CREB3L1: variants seen among roughly 807,000 people sequenced by gnomAD.
CREB3L1 encodes cyclic AMP-responsive element-binding protein 3-like protein 1.
A neutral mutation model predicts 54.5 loss-of-function variants in CREB3L1; 33 were observed. That is an observed-to-expected ratio of 0.61 (90% CI 0.46 to 0.81). The LOEUF (loss-of-function observed/expected upper bound fraction) is 0.81. Ranked by LOEUF, CREB3L1 falls within the 30% of genes least tolerant of loss-of-function variation. The pLI is 0.00. For synonymous variants in CREB3L1, 284 were observed against 286.4 expected, an observed-to-expected ratio of 0.99 and a Z score of 0.08; for missense variants, 656 against 673.3, an observed-to-expected ratio of 0.97 and a Z score of 0.29.
rs1260889185 is a variant in CREB3L1, at chr11:46,287,691, T to A, written c.102+9478T>A. ...AGGCATGTAATACATAATAATCACA[T>A]GATGGGACAGGTGCGGTGGTTCACG... is the stretch of plus-strand genomic sequence containing the variant. On this transcript the variant is annotated intron_variant, in intron 1 of 11. Transcript: ENST00000621158. Among the ~76,000 whole-genome samples the A allele has an allele frequency of 3.3e-5, 5 of 152,228 alleles. No homozygotes were observed. In the East Asian group the frequency reaches 9.7e-4, roughly 30 times the overall value.
intron 1 of CREB3L1, among the ~76,000 whole-genome samples, chr11:46,279,667 A>T (rs1938937262): frequency 6.6e-6 from 1 of 152,158 alleles, no homozygotes; most frequent in Non-Finnish European, 1.5e-5. Context: ...TCTGGCACAG[A>T]TCCCAGGAAT....
At chr11:46,309,905 C>A in intron 3 of CREB3L1, 84 bp from the exon 4 acceptor site, 2 of 1,141,340 alleles carry the variant, frequency 1.8e-6, no homozygotes. Context: ...GGCAGGCAAC[C>A]AGCTTTAGGG....
intron 1 of CREB3L1, among the ~76,000 whole-genome samples, chr11:46,298,234 A>G (rs1939241865): frequency 6.6e-6 from 1 of 152,168 alleles, no homozygotes; most frequent in South Asian, 2.1e-4. Flanking sequence ...CAGGCTCCCA[A>G]TATTCCAGGC....
rs547189376 is a variant in CREB3L1, at chr11:46,296,346, G to T, written c.103-3589G>T. Among the ~76,000 whole-genome samples the T allele has an allele frequency of 2.0e-5, 3 of 152,216 alleles. No homozygotes were observed. The East Asian group carries it at 5.8e-4, about 29-fold the overall frequency. On this transcript the variant is annotated intron_variant, in intron 1 of 11. Transcript: ENST00000621158. ...GAGAGGACCAGAAGGTCCCGCACAC[G>T]CCAGGGCAGCCCTGGACTTCACCAG...
chr11:46,313,455 G>A (rs993184081), intron 8 of CREB3L1, among the ~76,000 whole-genome samples: 1 of 152,108 alleles, frequency 6.6e-6, no homozygotes, highest in African/African-American at 2.4e-5. Flanking sequence ...GGGAGGATGA[G>A]GGGGGTGGAT....
At chr11:46,302,285 G>A (rs1050439138) in intron 2 of CREB3L1, among the ~76,000 whole-genome samples, 5 of 151,840 alleles carry the variant, frequency 3.3e-5, no homozygotes, top group Non-Finnish European at 7.4e-5. Context: ...CCTCTGAGAC[G>A]CTACTTGAGA....
intron 10 of CREB3L1, among the ~76,000 whole-genome samples, chr11:46,319,068 G>A (rs139548697): frequency 5.4e-4 from 82 of 152,206 alleles, no homozygotes; most frequent in African/African-American, 1.8e-3. Flanking sequence ...AAAAAGGAGT[G>A]GAAAGAGAGC....
At chr11:46,302,216 T>TAAG (rs1464837454) in intron 2 of CREB3L1, among the ~76,000 whole-genome samples, 1 of 141,870 alleles carries the variant, frequency 7.0e-6, no homozygotes, top group African/African-American at 2.7e-5. Context: ...ATAATAATAA[T>TAAG]AAGCTGTAGA....
intron 1 of CREB3L1, among the ~76,000 whole-genome samples, chr11:46,285,442 T>G (rs1176741317): frequency 2.0e-5 from 3 of 151,878 alleles, no homozygotes; most frequent in Admixed American, 2.0e-4. Context: ...GGGGAATGTG[T>G]GGGGGTGGGA....
chr11:46,282,214 G>A (rs948633616), intron 1 of CREB3L1, among the ~76,000 whole-genome samples: 1 of 152,176 alleles, frequency 6.6e-6, no homozygotes, highest in Non-Finnish European at 1.5e-5. Flanking sequence ...AGAGGGAAAA[G>A]TGTCCTTAAG....
intron 1 of CREB3L1, among the ~76,000 whole-genome samples, chr11:46,297,181 G>T (rs1238693317): frequency 1.3e-5 from 2 of 152,252 alleles, no homozygotes; most frequent in East Asian, 3.8e-4. Context: ...GCAGGCCCGG[G>T]CTCTGCGGAG....
At chr11:46,311,263 G>A (rs1486124525) in intron 5 of CREB3L1, 74 bp downstream of exon 5, 2 of 1,421,478 alleles carry the variant, frequency 1.4e-6, no homozygotes, top group Admixed American at 2.8e-5. Context: ...TGGCCAGTCA[G>A]GAGGGTTTGG....
intron 1 of CREB3L1, among the ~76,000 whole-genome samples, chr11:46,297,572 T>C (rs1939231798): frequency 6.7e-6 from 1 of 149,348 alleles, no homozygotes; most frequent in South Asian, 2.1e-4. Context: ...CTCTGTCAAA[T>C]GCCAATATGC....
intron 5 of CREB3L1, among the ~76,000 whole-genome samples, chr11:46,311,395 T>C (rs1403412203): frequency 6.6e-6 from 1 of 152,110 alleles, no homozygotes; most frequent in Non-Finnish European, 1.5e-5. Context: ...GTGCAGTGGC[T>C]CAATCTCGGC....
chr11:46,293,398 G>C (rs1339791909), intron 1 of CREB3L1, among the ~76,000 whole-genome samples: 1 of 152,228 alleles, frequency 6.6e-6, no homozygotes, highest in Non-Finnish European at 1.5e-5. Context: ...GGGCTGCCTG[G>C]TAAGAAGATG....
At chr11:46,313,610 C>T (rs1344812716) in intron 8 of CREB3L1, among the ~76,000 whole-genome samples, 1 of 151,968 alleles carries the variant, frequency 6.6e-6, no homozygotes, top group African/African-American at 2.4e-5. Flanking sequence ...CACTTGAATC[C>T]GAGAGGCGGC....
At chr11:46,308,907 A>G (rs11828125) in intron 3 of CREB3L1, among the ~76,000 whole-genome samples, 2,698 of 152,304 alleles carry the variant, frequency 0.018, 79 homozygotes, top group African/African-American at 0.063. Flanking sequence ...GCAGGAAGGG[A>G]TGGAGTGACA....
At chr11:46,313,466 C>A (rs574979762) in intron 8 of CREB3L1, among the ~76,000 whole-genome samples, 2 of 152,212 alleles carry the variant, frequency 1.3e-5, no homozygotes, top group East Asian at 1.9e-4. Context: ...GGGGGTGGAT[C>A]ATTTGAGGTT....
At chr11:46,292,085 C>T (rs986081178) in intron 1 of CREB3L1, among the ~76,000 whole-genome samples, 1 of 152,190 alleles carries the variant, frequency 6.6e-6, no homozygotes, top group African/African-American at 2.4e-5. Flanking sequence ...CTGACAGGGT[C>T]TGGGGGGACA....
Sources: gnomAD v4.1 joint callset for allele counts (sites outside exome capture counted in the v4.1 genomes callset) on GRCh38, gnomAD v4.1.1 for gene constraint, MANE v1.5 for transcripts, NCBI Gene and HGNC (gene_info 2026-07-23, HGNC 2026-07-21) for gene names.